IQCM: variants seen among roughly 807,000 people sequenced by gnomAD.
IQCM encodes IQ motif containing M.
Under a neutral mutation model 57.6 loss-of-function variants are expected in IQCM, and 45 were observed. That is an observed-to-expected ratio of 0.78 (90% CI 0.62 to 1.00). IQCM has a LOEUF of 1.00. Among genes scored for constraint, IQCM ranks in the 50% least tolerant of loss-of-function variants. The probability of loss-of-function intolerance (pLI) is 0.00; values close to 1 mark genes in which losing one functional copy is unlikely to be tolerated. For synonymous variants in IQCM, 148 were observed against 158.9 expected, an observed-to-expected ratio of 0.93 and a Z score of 0.51; for missense variants, 468 against 511.6, an observed-to-expected ratio of 0.91 and a Z score of 0.82.
intron 13 of IQCM, among the ~76,000 whole-genome samples, chr4:149,407,878 T>A (rs1186590950): frequency 5.9e-5 from 9 of 152,114 alleles, no homozygotes; most frequent in African/African-American, 2.2e-4. Context: ...GTAGTGGGAT[T>A]GCTGGATCAA....
At chr4:149,491,335 G>T (rs751920080) in intron 12 of IQCM, among the ~76,000 whole-genome samples, 74 of 152,132 alleles carry the variant, frequency 4.9e-4, no homozygotes, top group Non-Finnish European at 8.2e-4. Flanking sequence ...AGAATACATT[G>T]TTATTAACTA....
intron 9 of IQCM, among the ~76,000 whole-genome samples, chr4:149,573,791 T>TA (rs1561008194): frequency 4.0e-5 from 6 of 151,436 alleles, no homozygotes; most frequent in South Asian, 2.1e-4. Context: ...AAATTAAAAT[T>TA]AAAAAAAATA....
At chr4:149,661,424 G>T (rs968981820) in intron 7 of IQCM, among the ~76,000 whole-genome samples, 1 of 152,024 alleles carries the variant, frequency 6.6e-6, no homozygotes, top group Non-Finnish European at 1.5e-5. Context: ...TTTTGTTGTT[G>T]TTGTGTCCTT....
chr4:149,618,199 A>T (rs1282311355), intron 8 of IQCM, among the ~76,000 whole-genome samples: 1 of 152,210 alleles, frequency 6.6e-6, no homozygotes, highest in Admixed American at 6.5e-5. Flanking sequence ...ATAAAGTCAC[A>T]TTATTACAAC....
intron 5 of IQCM, among the ~76,000 whole-genome samples, chr4:149,710,344 T>C (rs1001182574): frequency 2.6e-5 from 4 of 152,166 alleles, no homozygotes; most frequent in Non-Finnish European, 5.9e-5. Context: ...GAATTCTAAA[T>C]GTATAGTGTC....
At chr4:149,778,539 G>C (rs1771319126) in intron 2 of IQCM, among the ~76,000 whole-genome samples, 1 of 151,924 alleles carries the variant, frequency 6.6e-6, no homozygotes, top group Non-Finnish European at 1.5e-5. Context: ...CTTAGAAAAA[G>C]AGCAATAAAA....
chr4:149,534,422 C>T (rs529077930), intron 12 of IQCM, among the ~76,000 whole-genome samples: 18 of 152,176 alleles, frequency 1.2e-4, no homozygotes, highest in Non-Finnish European at 2.5e-4. Flanking sequence ...TATGCAAATA[C>T]GCTTGTATGG....
At chr4:149,639,262 C>CA (rs1757981105) in intron 7 of IQCM, among the ~76,000 whole-genome samples, 1 of 151,388 alleles carries the variant, frequency 6.6e-6, no homozygotes, top group African/African-American at 2.4e-5. Context: ...CCTGTCTCTA[C>CA]AAAAAATTTA....
At chr4:149,766,019 G>T (rs1217147477) in intron 2 of IQCM, among the ~76,000 whole-genome samples, 1 of 152,080 alleles carries the variant, frequency 6.6e-6, no homozygotes, top group Non-Finnish European at 1.5e-5. Flanking sequence ...CCTAGCCTCT[G>T]AGTTCTCAGG....
At chr4:149,355,698 A>G (rs908184537) in intron 13 of IQCM, among the ~76,000 whole-genome samples, 7 of 152,166 alleles carry the variant, frequency 4.6e-5, no homozygotes, top group Admixed American at 4.6e-4. Flanking sequence ...GTGTCGCAAT[A>G]AACATATGTG....
chr4:149,459,259 C>A (rs950282211), intron 12 of IQCM, among the ~76,000 whole-genome samples: 4 of 152,190 alleles, frequency 2.6e-5, no homozygotes, highest in Non-Finnish European at 4.4e-5. Context: ...TATTACATTG[C>A]CTCCCATTAA....
chr4:149,376,067 A>G (rs1730681726), intron 13 of IQCM, among the ~76,000 whole-genome samples: 1 of 152,144 alleles, frequency 6.6e-6, no homozygotes, highest in African/African-American at 2.4e-5. Context: ...ACCTCAAAAG[A>G]AGAATCAGGT....
chr4:149,677,857 A>C (rs1761882784), intron 7 of IQCM, among the ~76,000 whole-genome samples: 1 of 151,960 alleles, frequency 6.6e-6, no homozygotes, highest in Non-Finnish European at 1.5e-5. Context: ...TAAATTAAAC[A>C]GAAATCTAGA....
At chr4:149,379,300 A>T (rs1730913190) in intron 13 of IQCM, among the ~76,000 whole-genome samples, 1 of 152,124 alleles carries the variant, frequency 6.6e-6, no homozygotes, top group South Asian at 2.1e-4. Flanking sequence ...CGTTCTCCAG[A>T]TCCCTGAATG....
intron 10 of IQCM, among the ~76,000 whole-genome samples, chr4:149,561,248 C>T (rs1750092410): frequency 7.1e-6 from 1 of 140,586 alleles, no homozygotes; most frequent in South Asian, 2.5e-4. Context: ...AATTAAATCA[C>T]TCCTTTTCAC....
At chr4:149,498,719 T>G (rs866769945) in intron 12 of IQCM, among the ~76,000 whole-genome samples, 3 of 152,112 alleles carry the variant, frequency 2.0e-5, no homozygotes, top group Non-Finnish European at 2.9e-5. Context: ...CTCCCTCCAC[T>G]TCTTCCTACT....
At chr4:149,366,693 CA>C (rs1371492210) in intron 13 of IQCM, among the ~76,000 whole-genome samples, 1 of 151,606 alleles carries the variant, frequency 6.6e-6, no homozygotes, top group East Asian at 1.9e-4. Context: ...GCCAAATAAA[CA>C]AACAGAAGAA....
At chr4:149,679,647 T>A (rs1762030199) in intron 7 of IQCM, among the ~76,000 whole-genome samples, 1 of 151,240 alleles carries the variant, frequency 6.6e-6, no homozygotes, top group Non-Finnish European at 1.5e-5. Flanking sequence ...GTACATGTGT[T>A]ATGCATGAAT....
At chr4:149,438,167 C>G (rs1053259468) in intron 12 of IQCM, among the ~76,000 whole-genome samples, 1 of 151,906 alleles carries the variant, frequency 6.6e-6, no homozygotes, top group African/African-American at 2.4e-5. Flanking sequence ...AATCCTTTAT[C>G]TTTACCCTGT....
Sources: allele counts gnomAD v4.1 joint callset (sites outside exome capture counted in the v4.1 genomes callset), GRCh38; gene constraint gnomAD v4.1.1; transcripts MANE v1.5; gene names NCBI Gene and HGNC (gene_info 2026-07-23, HGNC 2026-07-21).